Variants in LGI3 observed in about 807,000 individuals in gnomAD.
LGI3 encodes leucine-rich repeat LGI family member 3.
In LGI3, 47 loss-of-function variants were observed where a neutral mutation model predicts 55.4. The observed-to-expected ratio is 0.85, with a 90% confidence interval of 0.67 to 1.08. The LOEUF is 1.08. LGI3 is among the 50% of genes least tolerant of loss of function. LGI3 has a pLI of 0.00. For synonymous variants in LGI3, 326 were observed against 315.0 expected (o/e 1.04, Z -0.37); for missense variants, 664 against 726.3 (o/e 0.91, Z 0.99).
chr8:22,153,719 A>G (rs1028625356), intron 5 of LGI3, among the ~76,000 whole-genome samples: 2 of 140,434 alleles, frequency 1.4e-5, no homozygotes. Context: ...ATTAAAAAAA[A>G]AAAAAAACAC....
At chr8:22,153,082 T>G (rs1827401566) in intron 5 of LGI3, among the ~76,000 whole-genome samples, 1 of 150,714 alleles carries the variant, frequency 6.6e-6, no homozygotes, top group Admixed American at 6.6e-5. Flanking sequence ...GTACTTTTTT[T>G]TTTTTTTTTT....
intron 2 of LGI3, 189 bp from the exon 3 acceptor site, chr8:22,154,820 T>C (rs1827466454): frequency 6.8e-6 from 4 of 584,958 alleles, no homozygotes; most frequent in South Asian, 6.0e-5. Flanking sequence ...CCCCAGAAGC[T>C]CCCAGGGTCC....
intron 2 of LGI3, chr8:22,155,033 T>G: frequency 2.4e-6 from 1 of 408,314 alleles, no homozygotes; most frequent in Admixed American, 4.1e-5. Flanking sequence ...CAGCTCTTTC[T>G]GGGAACTCTG....
chr8:22,151,440 C>A (rs370674008), intron 7 of LGI3, 49 bp downstream of exon 7: 3 of 1,574,748 alleles, frequency 1.9e-6, no homozygotes, highest in South Asian at 2.2e-5. Flanking sequence ...GGAGCCCACT[C>A]CCCCCTCCCC....
In LGI3 at chr8:22,156,454, G is replaced by A. The variant is rs1827503592; in HGVS notation, c.89C>T (p.Ala30Val). ...GGGGGGCGTCTTGGGGGGCCTCTTA[G>A]CGCTGACTTGCAGCATGAGGCAGAA... is the stretch of plus-strand genomic sequence containing the variant. ...LGFCLMLQVS[A>V]KRPPKTPPCP... Residue 30 changes from alanine to valine, a missense_variant, in exon 1 of 8, where the codon GCT (alanine) becomes GTT (valine). Ala to Val is a moderately conservative substitution (Grantham distance 64). Transcript: ENST00000306317. 1 of 1,540,646 alleles carries A rather than the reference G, an allele frequency of 6.5e-7. No individual in the cohort carries two copies. Among genetic ancestry groups the A allele is most frequent in the Non-Finnish European group, 8.7e-7 (1 of 1,147,088 alleles).
intron 7 of LGI3, among the ~76,000 whole-genome samples, chr8:22,149,236 G>A (rs1827347772): frequency 6.6e-6 from 1 of 152,200 alleles, no homozygotes; most frequent in Non-Finnish European, 1.5e-5. Context: ...CACAAAATAA[G>A]TGTCCCTCGA....
At chr8:22,151,139 A>G (rs1827372213) in intron 7 of LGI3, among the ~76,000 whole-genome samples, 1 of 152,096 alleles carries the variant, frequency 6.6e-6, no homozygotes, top group Non-Finnish European at 1.5e-5. Flanking sequence ...CCATCTAATT[A>G]CGTAAGCCAG....
chr8:22,154,480 C>G, intron 3 of LGI3, 80 bp downstream of exon 3: 4 of 1,262,514 alleles, frequency 3.2e-6, no homozygotes, highest in Non-Finnish European at 3.5e-6. Context: ...CTCATCCACT[C>G]CCTACCCAGT....
At chr8:22,150,059 T>A (rs1184413374) in intron 7 of LGI3, among the ~76,000 whole-genome samples, 1 of 152,154 alleles carries the variant, frequency 6.6e-6, no homozygotes, top group Non-Finnish European at 1.5e-5. Context: ...TCCAGAAACC[T>A]GGCAGTCATC....
At chr8:22,152,304 A>G (rs1279850401) in intron 5 of LGI3, among the ~76,000 whole-genome samples, 2 of 152,158 alleles carry the variant, frequency 1.3e-5, no homozygotes, top group East Asian at 1.9e-4. Context: ...GCCTCCCACA[A>G]TCCAAGGCTT....
In LGI3 at chr8:22,151,842, C is replaced by A. The variant is rs1202438136; in HGVS notation, c.653G>T (p.Cys218Phe). 1 of 1,608,340 alleles carries A rather than the reference C, an allele frequency of 6.2e-7. No individual in the cohort carries two copies. The highest frequency in any genetic ancestry group is 1.1e-5 in the South Asian group (1 of 90,350). ...GGGGCACCTCCTACCTGTGGTGATG[C>A]AATCGAACTCCCGCAGCGGCAGGTC... ...VQDLPLREFD[C>F]ITTDFVLYQT... The change falls in exon 6 of 8, where the codon TGC (cysteine) becomes TTC (phenylalanine). Residue 218 changes from cysteine (C) to phenylalanine (F), a missense_variant. By Grantham distance (205) the Cys-to-Phe change is radical. Coordinates refer to ENST00000306317, the MANE Select transcript of LGI3 (RefSeq NM_139278.4).
chr8:22,156,678 T>G lies in LGI3; in HGVS notation c.-136A>C. The G allele has an allele frequency of 7.8e-6, 2 of 256,206 alleles. No individual in the cohort carries two copies. The allele number at this position is 256,206 out of a possible 1,614,324, so 15.9% of individuals were successfully genotyped here. ...CGCAGCCAGGGGCCCGCCTGCGGAC[T>G]CCTCCTGCCCTCGGGCGCCGGCTGC... On this transcript the variant is annotated 5_prime_UTR_variant, in exon 1 of 8. Transcript: ENST00000306317.
chr8:22,153,277 G>A (rs900224804), intron 5 of LGI3, among the ~76,000 whole-genome samples: 7 of 150,958 alleles, frequency 4.6e-5, no homozygotes, highest in East Asian at 4.1e-4. Context: ...TACAGACGGC[G>A]TTTCACCATG....
Position 22,147,446 on chromosome 8 carries a change from G to C in LGI3, c.*714C>G, listed in dbSNP as rs1317983027. ...CAGGAGGCCAAGCAGGCCCTCAGAA[G>C]CTGGCACCACCATTCTCATCCTTAT... On this transcript the variant is annotated 3_prime_UTR_variant, in exon 8 of 8. Transcript: ENST00000306317. The C allele has an allele frequency of 6.6e-6, 1 of 152,138 alleles. No homozygotes were observed. The highest frequency in any genetic ancestry group is 6.5e-5 in the Admixed American group (1 of 15,278). 9.4% of individuals were successfully genotyped at this position (152,138 alleles called of 1,614,324 possible).
intron 3 of LGI3, 165 bp downstream of exon 3, chr8:22,154,395 G>A (rs1379798587): frequency 1.2e-5 from 9 of 780,994 alleles, no homozygotes; most frequent in Admixed American, 4.0e-5. Flanking sequence ...TGAATGAAAC[G>A]ACCTTCTGCT....
At position 22,156,800 on chromosome 8, in the gene LGI3, G is replaced by A. The variant is rs1008338359; in HGVS notation, c.-258C>T. 8 of 161,106 alleles carry A rather than the reference G, an allele frequency of 5.0e-5. No homozygotes were observed. The highest frequency in any genetic ancestry group is 9.4e-5 in the Non-Finnish European group (7 of 74,830). 10.0% of individuals were successfully genotyped at this position (161,106 alleles called of 1,614,324 possible). ...CCGGGGCTGACCGCGCCGGGTGGCT[G>A]CGGACTGCGGCGCGGGCGGCGGGGG... On this transcript the variant is annotated 5_prime_UTR_variant, in exon 1 of 8. Coordinates refer to ENST00000306317, the MANE Select transcript of LGI3 (RefSeq NM_139278.4).
At chr8:22,154,342 A>G in intron 3 of LGI3, 129 bp from the exon 4 acceptor site, 1 of 846,814 alleles carries the variant, frequency 1.2e-6, no homozygotes, top group Non-Finnish European at 2.0e-6. Flanking sequence ...GTCTGGCATC[A>G]CCAAGCCATA....
In LGI3 at chr8:22,148,262, G is replaced by A. The variant is rs368002065; in HGVS notation, c.1545C>T (p.Ala515=). The change falls in exon 8 of 8, where the codon GCC becomes GCT. Residue 515 remains alanine, a synonymous_variant. Coordinates refer to ENST00000306317, the MANE Select transcript of LGI3 (RefSeq NM_139278.4). The surrounding 1 kb of genome is among the most constrained non-coding windows in gnomAD (Gnocchi z 7.0). ...FQELAVQAPR[A]FCYMPAGDAQ... ...CGTCCCCAGCAGGCATGTAGCAGAA[G>A]GCCCGAGGAGCCTGCACAGCCAGCT... The A allele has an allele frequency of 3.5e-5, 56 of 1,614,032 alleles. No homozygotes were observed. Among genetic ancestry groups the A allele is most frequent in the Non-Finnish European group, 4.7e-5 (56 of 1,180,020 alleles).
rs372117792 is a variant in LGI3, at chr8:22,151,566, T to C, written c.752A>G (p.Gln251Arg). 1.9e-6 allele frequency: 3 copies of C among 1,613,962 alleles called. No homozygotes were observed. The highest frequency in any genetic ancestry group is 2.7e-5 in the African/African-American group (2 of 74,902). ...GATGGTGCAGGCACTGACTCCTGGC[T>C]GGGCCAGAGCCAAATAGAGGTCACT... is the stretch of plus-strand genomic sequence containing the variant. ...YSSDLYLALA[Q>R]PGVSACTILK... The change falls in exon 7 of 8, where the codon CAG becomes CGG. Residue 251 changes from glutamine to arginine, a missense_variant. Coordinates refer to ENST00000306317, the MANE Select transcript of LGI3 (RefSeq NM_139278.4).
Sources: allele counts gnomAD v4.1 joint callset (sites outside exome capture counted in the v4.1 genomes callset), GRCh38; gene constraint gnomAD v4.1.1; non-coding constraint Gnocchi (gnomAD v3.1); transcripts MANE v1.5; gene names NCBI Gene and HGNC (gene_info 2026-07-23, HGNC 2026-07-21).